The following TSGA10 variants were observed in gnomAD, a reference collection of about 807,000 sequenced individuals.
TSGA10 encodes testis-specific gene 10 protein.
In TSGA10, 43 loss-of-function variants were observed where a neutral mutation model predicts 96.6. That is an observed-to-expected ratio of 0.44 (90% CI 0.35 to 0.57). The LOEUF is 0.57. TSGA10 is among the 20% of genes least tolerant of loss of function. TSGA10 has a pLI of 0.01. For synonymous variants in TSGA10, 229 were observed against 269.9 expected, an observed-to-expected ratio of 0.85 and a Z score of 1.48; for missense variants, 703 against 834.4, an observed-to-expected ratio of 0.84 and a Z score of 1.94.
In TSGA10 at chr2:99,145,084, G is replaced by T. The variant is rs906427458; in HGVS notation, c.-621+9609C>A. Among the ~76,000 whole-genome samples the T allele has an allele frequency of 9.6e-4, 146 of 152,176 alleles. 1 individual carries two copies. Among genetic ancestry groups the T allele is most frequent in the African/African-American group, 3.5e-3 (144 of 41,436 alleles). On this transcript the variant is annotated intron_variant, in intron 1 of 20. Transcript: ENST00000393483. ...GGGCTAAAATCAAGATGTCAGGCAGGTCTACATTCCTTCTGGAGGCTCTAG... is the reference window on the plus strand; with the variant it reads ...GGGCTAAAATCAAGATGTCAGGCAGTTCTACATTCCTTCTGGAGGCTCTAG...
chr2:99,099,712 A>G (rs1040753025), intron 10 of TSGA10, among the ~76,000 whole-genome samples: 1 of 152,212 alleles, frequency 6.6e-6, no homozygotes, highest in Non-Finnish European at 1.5e-5. Context: ...GTTAATTAGA[A>G]GTAATTCACA....
intron 20 of TSGA10, among the ~76,000 whole-genome samples, chr2:99,014,668 C>CAA (rs139212724): frequency 1.3e-5 from 2 of 151,570 alleles, no homozygotes; most frequent in African/African-American, 4.8e-5. Context: ...GAAAATGAGA[C>CAA]AAAAAAATTA....
chr2:99,035,418 A>G lies in TSGA10; in HGVS notation c.1426T>C (p.Tyr476His). The part of the protein sequence containing the change: ...VEQHLNAERS[Y>H]KSQISTLHKS... ...TGTAAGGTAGAAATCTGGGACTTGT[A>G]AGACCTTTCTGCATTTAAGTGCTGT... Residue 476 changes from tyrosine (Y) to histidine (H), a missense_variant, in exon 17 of 21, where the codon TAC becomes CAC. Tyr to His is a moderately conservative substitution (Grantham distance 83). This residue lies in a region of TSGA10 where 585 missense variants were observed against 656.8 expected (regional missense o/e 0.89). Transcript: ENST00000393483. 6.2e-7 allele frequency: 1 copy of G among 1,611,262 alleles called. No individual in the cohort carries two copies. Among genetic ancestry groups the G allele is most frequent in the Non-Finnish European group, 8.5e-7 (1 of 1,178,374 alleles).
At chr2:99,021,335 T>C (rs138222985) in intron 17 of TSGA10, among the ~76,000 whole-genome samples, 1,634 of 152,166 alleles carry the variant, frequency 0.011, 9 homozygotes, top group Middle Eastern at 0.027. Flanking sequence ...AATATAAACT[T>C]AACCAAAATT....
rs11352300 is a variant in TSGA10 at position 99,110,928 on chromosome 2, T to TA, written c.-139-14dup. 0.013 allele frequency: 7,072 copies of TA among 548,000 alleles called. 1 individual carries two copies. The highest frequency in any genetic ancestry group is 0.015 in the Non-Finnish European group (6,439 of 437,814). The allele number at this position is 548,000 out of a possible 1,614,324, so 33.9% of individuals were successfully genotyped here. ...AAATGAGATCAATCTGAAGAAAAAG[T>TA]AAAAAAAAAAAAAATTATTTCTATT... On this transcript the variant is annotated splice_polypyrimidine_tract_variant and intron_variant, in intron 4 of 20. Coordinates refer to ENST00000393483, the MANE Select transcript of TSGA10 (RefSeq NM_025244.4).
chr2:99,049,731 TA>T (rs2083186640), intron 16 of TSGA10, among the ~76,000 whole-genome samples: 5 of 119,944 alleles, frequency 4.2e-5, no homozygotes, highest in African/African-American at 2.2e-4. Flanking sequence ...AAGTATAATT[TA>T]AAAAAAAGAA....
At chr2:99,128,789 C>T (rs983800215) in intron 1 of TSGA10, among the ~76,000 whole-genome samples, 20 of 152,212 alleles carry the variant, frequency 1.3e-4, no homozygotes, top group African/African-American at 4.8e-4. Flanking sequence ...TTAAGGGTCT[C>T]ACCCTGTCAC....
chr2:99,130,822 G>C (rs905045378), intron 1 of TSGA10, among the ~76,000 whole-genome samples: 3 of 152,132 alleles, frequency 2.0e-5, no homozygotes, highest in African/African-American at 7.2e-5. Context: ...AAGGGGTCTA[G>C]TTTCAGTTTT....
In TSGA10 at chr2:99,035,475, T is replaced by C. The variant is rs185278995; in HGVS notation, c.1405-36A>G. On this transcript the variant is annotated intron_variant, in intron 16 of 20. Transcript: ENST00000393483. Reference sequence around the variant, plus strand: ...AAAATTATATATATGTATGTATACATATATATTAAACTGGAAGGAAACTAT... The same window carrying C: ...AAAATTATATATATGTATGTATACACATATATTAAACTGGAAGGAAACTAT... 2.0e-5 allele frequency: 28 copies of C among 1,396,054 alleles called. No individual in the cohort carries two copies. In the Middle Eastern group the frequency reaches 6.8e-4, roughly 34 times the overall value. 86.5% of individuals were successfully genotyped at this position (1,396,054 alleles called of 1,614,324 possible).
At chr2:99,039,429 C>A (rs969757131) in intron 16 of TSGA10, among the ~76,000 whole-genome samples, 2 of 151,610 alleles carry the variant, frequency 1.3e-5, no homozygotes, top group Non-Finnish European at 2.9e-5. Context: ...CCAAATAAGT[C>A]CAGTTAGAAA....
intron 1 of TSGA10, among the ~76,000 whole-genome samples, chr2:99,134,705 A>G (rs1254507434): frequency 6.6e-6 from 1 of 152,010 alleles, no homozygotes. Flanking sequence ...GTTTTTCCTC[A>G]TCTTCATGGA....
chr2:99,105,455 C>A lies in TSGA10; in HGVS notation c.382-19G>T. 6.2e-7 allele frequency: 1 copy of A among 1,612,576 alleles called. No homozygotes were observed. The highest frequency in any genetic ancestry group is 8.5e-7 in the Non-Finnish European group (1 of 1,179,654). ...GAGCAATCTGATTAAAAAGCAAAAA[C>A]AAAATAAAGTGATTTCAATATCCCT... On this transcript the variant is annotated intron_variant, in intron 8 of 20. Coordinates refer to ENST00000393483, the MANE Select transcript of TSGA10 (RefSeq NM_025244.4).
At chr2:99,149,785 CTTTTTTTTTTT>C (rs70940143) in intron 1 of TSGA10, among the ~76,000 whole-genome samples, 4 of 112,456 alleles carry the variant, frequency 3.6e-5, no homozygotes, top group African/African-American at 7.5e-5. Flanking sequence ...TCACAAGTAT[CTTTTTTTTTTT>C]TTTTTTTTTT....
chr2:99,015,680 A>T (rs2079456166), intron 20 of TSGA10, among the ~76,000 whole-genome samples: 1 of 152,164 alleles, frequency 6.6e-6, no homozygotes, highest in African/African-American at 2.4e-5. Context: ...AATAAAGGGC[A>T]CCTAAATCAG....
chr2:99,102,695 T>G, intron 10 of TSGA10: 1 of 1,613,116 alleles, frequency 6.2e-7, no homozygotes, highest in Non-Finnish European at 8.5e-7. Context: ...GTCATATTGA[T>G]GTGATCACAG....
intron 17 of TSGA10, among the ~76,000 whole-genome samples, chr2:99,033,815 G>C (rs989360435): frequency 6.6e-6 from 1 of 152,100 alleles, no homozygotes; most frequent in Admixed American, 6.5e-5. Context: ...ACTCCAGCCT[G>C]GGTGACAGAG....
rs572467354 is a variant in TSGA10, at chr2:99,121,745, C to G, written c.-491-3059G>C. Among the ~76,000 whole-genome samples, 521 of 152,164 alleles carry G rather than the reference C, an allele frequency of 3.4e-3. 5 individuals carry two copies. The highest frequency in any genetic ancestry group is 0.012 in the African/African-American group (503 of 41,520). ...CCTGCCAAAGTGCAGGGATTATAGC[C>G]ACGAGCCACCACACCCGGCCAAAAA... On this transcript the variant is annotated intron_variant, in intron 2 of 20. Coordinates refer to ENST00000393483, the MANE Select transcript of TSGA10 (RefSeq NM_025244.4).
chr2:99,065,181 A>T, intron 15 of TSGA10, 57 bp from the exon 16 acceptor site: 2 of 1,550,850 alleles, frequency 1.3e-6, no homozygotes, highest in Non-Finnish European at 1.7e-6. Context: ...TAAAAATTAA[A>T]CATTATTATC....
chr2:99,064,121 C>T (rs2084993740), intron 16 of TSGA10, among the ~76,000 whole-genome samples: 1 of 152,140 alleles, frequency 6.6e-6, no homozygotes, highest in African/African-American at 2.4e-5. Flanking sequence ...TATCTTGGAT[C>T]TACTCCAGGC....
Sources: gnomAD v4.1 joint callset for allele counts (sites outside exome capture counted in the v4.1 genomes callset) on GRCh38, gnomAD v4.1.1 for gene constraint, gnomAD v4.1.1 regional missense constraint, MANE v1.5 for transcripts, NCBI Gene and HGNC (gene_info 2026-07-23, HGNC 2026-07-21) for gene names.